GABRB3: variants seen among roughly 807,000 people sequenced by gnomAD.
The protein encoded by GABRB3 is gamma-aminobutyric acid receptor subunit beta-3.
In GABRB3, 14 loss-of-function variants were observed where a neutral mutation model predicts 52.1. The observed-to-expected ratio is 0.27, with a 90% CI of 0.18 to 0.42. The LOEUF is 0.42. Among genes scored for constraint, GABRB3 ranks in the 10% least tolerant of loss-of-function variants. GABRB3 has a pLI of 1.00. For synonymous variants in GABRB3, 260 were observed against 232.3 expected (o/e 1.12, Z -1.08); for missense variants, 307 against 609.1 (o/e 0.50, Z 5.22).
At chr15:26,664,438 C>G (rs563704678) in intron 3 of GABRB3, among the ~76,000 whole-genome samples, 1 of 152,056 alleles carries the variant, frequency 6.6e-6, no homozygotes, top group Non-Finnish European at 1.5e-5. Context: ...GAGGGATACG[C>G]CATGTTGGCC....
intron 4 of GABRB3, among the ~76,000 whole-genome samples, chr15:26,601,999 T>A (rs1413113793): frequency 1.3e-5 from 2 of 152,104 alleles, no homozygotes; most frequent in Non-Finnish European, 2.9e-5. Flanking sequence ...CCTAATGATC[T>A]ATTGCCTGCA....
chr15:26,612,737 G>A (rs555267079), intron 4 of GABRB3: 1 of 152,290 alleles, frequency 6.6e-6, no homozygotes, highest in Non-Finnish European at 1.5e-5. Flanking sequence ...TATACTTTTA[G>A]GAATTTGATA....
At chr15:26,709,365 C>T (rs947561968) in intron 3 of GABRB3, among the ~76,000 whole-genome samples, 1 of 151,998 alleles carries the variant, frequency 6.6e-6, no homozygotes, top group East Asian at 1.9e-4. Flanking sequence ...TCTCTTGTTC[C>T]CTCTTTCTCC....
chr15:26,637,522 C>T lies in GABRB3; in HGVS notation c.241-15988G>A, dbSNP rs116472836. ...AGGATGGTGCTGAGCACAAATTAGG[C>T]ATTGCATAAAAATCTACTGAACAAG... On this transcript the variant is annotated intron_variant, in intron 3 of 8. Coordinates refer to ENST00000311550, the MANE Select transcript of GABRB3 (RefSeq NM_000814.6). Among the ~76,000 whole-genome samples, 1,068 of 152,234 alleles carry T rather than the reference C, an allele frequency of 7.0e-3. 16 individuals are homozygous for T. Among genetic ancestry groups the T allele is most frequent in the African/African-American group, 0.025 (1,019 of 41,524 alleles).
intron 7 of GABRB3, among the ~76,000 whole-genome samples, chr15:26,565,475 G>A (rs1193033881): frequency 1.3e-5 from 2 of 152,084 alleles, no homozygotes; most frequent in South Asian, 2.1e-4. Flanking sequence ...GAGCACAAGC[G>A]TCAATCCTCC....
chr15:26,575,490 CT>C lies in GABRB3; in HGVS notation c.682+4828del, dbSNP rs552985393. ...AATAAAAGACAGATGGTAATTCTTC[CT>C]TTTAATGTTTCATCTATCTTTTCTA... On this transcript the variant is annotated intron_variant, in intron 6 of 8. Coordinates refer to ENST00000311550, the MANE Select transcript of GABRB3 (RefSeq NM_000814.6). Among the ~76,000 whole-genome samples the C allele has an allele frequency of 4.6e-5, 7 of 152,178 alleles. No individual in the cohort carries two copies. In the South Asian group the frequency reaches 1.5e-3, roughly 32 times the overall value.
intron 3 of GABRB3, among the ~76,000 whole-genome samples, chr15:26,698,748 C>A (rs1258083764): frequency 6.6e-6 from 1 of 152,102 alleles, no homozygotes; most frequent in Non-Finnish European, 1.5e-5. Context: ...CCCAAAGGCT[C>A]CCGCCTGGCT....
chr15:26,565,338 G>A (rs557690740), intron 7 of GABRB3, among the ~76,000 whole-genome samples: 11 of 152,286 alleles, frequency 7.2e-5, no homozygotes, highest in African/African-American at 2.4e-4. Context: ...TACTCTGAGA[G>A]CTGGATCTGT....
chr15:26,738,085 T>C (rs1890111395), intron 3 of GABRB3, among the ~76,000 whole-genome samples: 1 of 152,098 alleles, frequency 6.6e-6, no homozygotes, highest in South Asian at 2.1e-4. Flanking sequence ...GTTGTTCTTC[T>C]TCGTGTTGTT....
At chr15:26,567,426 G>A (rs1315466146) in intron 7 of GABRB3, among the ~76,000 whole-genome samples, 155 bp downstream of exon 7, 1 of 152,256 alleles carries the variant, frequency 6.6e-6, no homozygotes. Context: ...GGAATCGTGC[G>A]TGAAATTAGT....
intron 3 of GABRB3, chr15:26,642,394 T>G: frequency 9.9e-7 from 1 of 1,013,536 alleles, no homozygotes; most frequent in Non-Finnish European, 1.3e-6. Flanking sequence ...ATCCCCTGAA[T>G]ATACTGAGGG....
chr15:26,689,879 C>T (rs537780212), intron 3 of GABRB3, among the ~76,000 whole-genome samples: 12 of 152,218 alleles, frequency 7.9e-5, no homozygotes, highest in Non-Finnish European at 1.5e-4. Flanking sequence ...GATAACGAGG[C>T]GTGCCTGATC....
At chr15:26,556,699 A>G (rs963560433) in intron 8 of GABRB3, among the ~76,000 whole-genome samples, 1 of 151,904 alleles carries the variant, frequency 6.6e-6, no homozygotes, top group Non-Finnish European at 1.5e-5. Flanking sequence ...TCATGAATCA[A>G]TTATTAGGTT....
chr15:26,771,022 C>T (rs907020159), intron 3 of GABRB3, among the ~76,000 whole-genome samples: 4 of 152,074 alleles, frequency 2.6e-5, no homozygotes, highest in African/African-American at 4.8e-5. Context: ...GAAAAAAGTA[C>T]ATTTTTAAAT....
chr15:26,661,108 G>T (rs986581304), intron 3 of GABRB3, among the ~76,000 whole-genome samples: 1 of 152,040 alleles, frequency 6.6e-6, no homozygotes, highest in Non-Finnish European at 1.5e-5. Flanking sequence ...AAAATTAAAA[G>T]AAATATTTCC....
intron 3 of GABRB3, among the ~76,000 whole-genome samples, chr15:26,722,448 A>G (rs1231468029): frequency 1.3e-5 from 2 of 152,194 alleles, no homozygotes; most frequent in Non-Finnish European, 2.9e-5. Context: ...AGGCACTCAG[A>G]TGGAAAACAA....
intron 3 of GABRB3, among the ~76,000 whole-genome samples, chr15:26,712,761 C>G (rs1329710814): frequency 6.6e-6 from 1 of 152,088 alleles, no homozygotes; most frequent in Non-Finnish European, 1.5e-5. Context: ...CCCACGGCCA[C>G]CTCGGGAAGG....
intron 3 of GABRB3, among the ~76,000 whole-genome samples, chr15:26,636,768 C>G (rs768596068): frequency 6.6e-6 from 1 of 152,224 alleles, no homozygotes; most frequent in African/African-American, 2.4e-5. Flanking sequence ...TGCAGTTACT[C>G]AAGCCAACAT....
At chr15:26,619,588 C>G (rs1010925035) in intron 4 of GABRB3, among the ~76,000 whole-genome samples, 1 of 151,172 alleles carries the variant, frequency 6.6e-6, no homozygotes, top group African/African-American at 2.4e-5. Flanking sequence ...TTAGTGGGTG[C>G]AGCGCACTAG....
Sources: allele counts gnomAD v4.1 joint callset (sites outside exome capture counted in the v4.1 genomes callset), GRCh38; gene constraint gnomAD v4.1.1; transcripts MANE v1.5; gene names NCBI Gene and HGNC (gene_info 2026-07-23, HGNC 2026-07-21).